THAP6: variants seen among roughly 807,000 people sequenced by gnomAD.
The protein encoded by THAP6 is THAP domain-containing protein 6.
In THAP6, 13 loss-of-function variants were observed where a neutral mutation model predicts 20.0. That is an observed-to-expected ratio of 0.65 (90% CI 0.42 to 1.03). The LOEUF is 1.03. THAP6 is among the 50% of genes least tolerant of loss of function. The pLI, the probability that THAP6 is intolerant of heterozygous loss-of-function variation, is 0.00. For missense variants in THAP6, 262 were observed against 261.6 expected (o/e 1.00, Z -0.01); for synonymous variants, 93 against 92.2 (o/e 1.01, Z -0.05).
intron 4 of THAP6, among the ~76,000 whole-genome samples, chr4:75,526,026 C>T (rs1290995758): frequency 6.6e-6 from 1 of 152,200 alleles, no homozygotes; most frequent in Non-Finnish European, 1.5e-5. Flanking sequence ...GTCCTGTGAA[C>T]TGTAGCTACT....
At position 75,528,051 on chromosome 4, in the gene THAP6, T is replaced by C; in HGVS notation, c.*837T>C. 1.0e-6 allele frequency: 1 copy of C among 984,366 alleles called. No individual in the cohort carries two copies. Among genetic ancestry groups the C allele is most frequent in the Non-Finnish European group, 1.2e-6 (1 of 828,954 alleles). The allele number at this position is 984,366 out of a possible 1,614,324, so 61.0% of individuals were successfully genotyped here. ...TTAATACTGCTTTGTATTTTATATG[T>C]AAAGTAGTATTGCTGACATTTTAAA... On this transcript the variant is annotated 3_prime_UTR_variant, in exon 5 of 5. Coordinates refer to ENST00000311638, the MANE Select transcript of THAP6 (RefSeq NM_144721.6).
At chr4:75,525,810 T>G (rs1726326394) in intron 4 of THAP6, among the ~76,000 whole-genome samples, 1 of 152,230 alleles carries the variant, frequency 6.6e-6, no homozygotes, top group Non-Finnish European at 1.5e-5. Flanking sequence ...TTAGTGTCCA[T>G]GAATCTTGAC....
At chr4:75,540,056 C>T in intron 2 of THAP6, 4 of 1,375,834 alleles carry the variant, frequency 2.9e-6, no homozygotes, top group Non-Finnish European at 3.9e-6. Flanking sequence ...TTTCAATCAC[C>T]ATCCTCCTCT....
chr4:75,527,421 GT>G lies in THAP6; in HGVS notation c.*211del, dbSNP rs1472303327. The stretch of plus-strand genomic sequence containing the variant: ...TGTATTTGTGTCTTGTGACAATTAT[GT>G]TTTATAGACCTACACTAGTGCCAGG... On this transcript the variant is annotated 3_prime_UTR_variant, in exon 5 of 5. Coordinates refer to ENST00000311638, the MANE Select transcript of THAP6 (RefSeq NM_144721.6). The G allele has an allele frequency of 5.8e-6, 8 of 1,373,762 alleles. No homozygotes were observed. Among genetic ancestry groups the G allele is most frequent in the Non-Finnish European group, 6.6e-6 (7 of 1,064,822 alleles). The allele number at this position is 1,373,762 out of a possible 1,614,324, so 85.1% of individuals were successfully genotyped here. A position where few individuals can be genotyped will look rare whatever the true frequency, so the allele number is the denominator to read the frequency against.
intron 2 of THAP6, among the ~76,000 whole-genome samples, chr4:75,539,456 A>G (rs1159584653): frequency 1.3e-5 from 2 of 152,244 alleles, no homozygotes; most frequent in Admixed American, 6.5e-5. Context: ...AATACAGATA[A>G]GTGGGCAATA....
intron 3 of THAP6, 35 bp downstream of exon 3, chr4:75,517,014 CA>C (rs758263124): frequency 3.2e-6 from 3 of 940,330 alleles, no homozygotes; most frequent in South Asian, 1.7e-5. Context: ...CATCATTGCT[CA>C]CTTTTTTTTT....
chr4:75,536,002 G>T (rs761407007), intron 2 of THAP6, among the ~76,000 whole-genome samples: 2 of 152,080 alleles, frequency 1.3e-5, no homozygotes, highest in South Asian at 4.1e-4. Flanking sequence ...CATTTCCTTG[G>T]TTTAAGCTGT....
upstream of THAP6, chr4:75,514,442 G>A (rs1725349264): frequency 2.4e-6 from 2 of 819,060 alleles, no homozygotes; most frequent in Non-Finnish European, 3.6e-6. Context: ...CGGATTTCCG[G>A]TTCCCGGGGC....
At chr4:75,538,977 A>G (rs1235207691) in intron 2 of THAP6, among the ~76,000 whole-genome samples, 5 of 152,232 alleles carry the variant, frequency 3.3e-5, no homozygotes, top group Non-Finnish European at 7.3e-5. Context: ...AGAACCTAGC[A>G]CATTCAACAT....
At chr4:75,515,621 T>C (rs1725538691) in intron 2 of THAP6, 89 bp downstream of exon 2, 3 of 1,263,982 alleles carry the variant, frequency 2.4e-6, no homozygotes, top group Non-Finnish European at 3.5e-6. Flanking sequence ...TTTTGAACTT[T>C]AGTTCCCGAG....
At chr4:75,537,170 G>A (rs1726881690) in intron 2 of THAP6, among the ~76,000 whole-genome samples, 1 of 152,142 alleles carries the variant, frequency 6.6e-6, no homozygotes, top group Admixed American at 6.5e-5. Flanking sequence ...GAAGAACGTG[G>A]TCTCAGAAGT....
intron 3 of THAP6, among the ~76,000 whole-genome samples, chr4:75,520,113 T>A (rs1725930013): frequency 6.6e-6 from 1 of 152,246 alleles, no homozygotes. Flanking sequence ...GTTTTTTGGC[T>A]GCGTAAATAT....
At chr4:75,540,784 A>G (rs572552341) in intron 2 of THAP6, among the ~76,000 whole-genome samples, 25 of 152,344 alleles carry the variant, frequency 1.6e-4, no homozygotes, top group African/African-American at 6.0e-4. Context: ...TTAAACAGGT[A>G]GATTTTATAA....
chr4:75,532,569 C>T (rs1726715532), downstream of THAP6, among the ~76,000 whole-genome samples: 1 of 152,228 alleles, frequency 6.6e-6, no homozygotes, highest in South Asian at 2.1e-4. Context: ...GGGGTTCCAA[C>T]TCCACATTTC....
rs754908166 is a variant in THAP6, at chr4:75,516,837, C to T, written c.146C>T (p.Ala49Val). The T allele has an allele frequency of 2.5e-6, 4 of 1,614,000 alleles. No individual in the cohort carries two copies. Among genetic ancestry groups the T allele is most frequent in the Non-Finnish European group, 3.4e-6 (4 of 1,179,992 alleles). Reference protein sequence around the residue: ...VLAMKRLDVNAAGIWEPKKGD... With the variant: ...VLAMKRLDVNVAGIWEPKKGD... ...GCAATGAAAAGACTTGATGTGAATG[C>T]AGCCGGCATTTGGGAGCCTAAAAAA... is the stretch of plus-strand genomic sequence containing the variant. The change falls in exon 3 of 5, where the codon GCA becomes GTA. Residue 49 changes from alanine (A) to valine (V), a missense_variant. Ala to Val is a moderately conservative substitution (Grantham distance 64). Coordinates refer to ENST00000311638, the MANE Select transcript of THAP6 (RefSeq NM_144721.6).
chr4:75,541,566 A>T (rs193036657), intron 2 of THAP6, among the ~76,000 whole-genome samples: 2 of 152,074 alleles, frequency 1.3e-5, no homozygotes, highest in Non-Finnish European at 2.9e-5. Context: ...CAGAGAGTGC[A>T]CATGAAAGAA....
At chr4:75,539,489 AG>A (rs1480179511) in intron 2 of THAP6, among the ~76,000 whole-genome samples, 1 of 152,252 alleles carries the variant, frequency 6.6e-6, no homozygotes, top group African/African-American at 2.4e-5. Context: ...TGGCAATTAA[AG>A]GTACTGAAAC....
At chr4:75,531,131 G>C (rs1726667373), downstream of THAP6, among the ~76,000 whole-genome samples, 5 of 152,214 alleles carry the variant, frequency 3.3e-5, no homozygotes, top group Admixed American at 3.3e-4. Context: ...GATAAGAGTA[G>C]CTCACTGTGC....
intron 3 of THAP6, among the ~76,000 whole-genome samples, chr4:75,520,981 A>G (rs1014724571): frequency 3.9e-5 from 6 of 152,022 alleles, no homozygotes; most frequent in Non-Finnish European, 5.9e-5. Context: ...ATCTTTTTCT[A>G]TGCTGTTTTG....
Sources: allele counts gnomAD v4.1 joint callset (sites outside exome capture counted in the v4.1 genomes callset), GRCh38; gene constraint gnomAD v4.1.1; transcripts MANE v1.5; gene names NCBI Gene and HGNC (gene_info 2026-07-23, HGNC 2026-07-21).